The following ITGA9 variants were observed in gnomAD, a reference collection of about 807,000 sequenced individuals.
The protein encoded by ITGA9 is integrin subunit alpha 9, also known as integrin alpha-9.
A neutral mutation model predicts 127.8 loss-of-function variants in ITGA9; 56 were observed. The observed-to-expected ratio is 0.44, with a 90% CI of 0.35 to 0.55. The LOEUF (loss-of-function observed/expected upper bound fraction) is 0.55, where lower values mean the gene tolerates loss of function less well. ITGA9 is among the 20% of genes least tolerant of loss of function. The probability of loss-of-function intolerance (pLI) is 0.00; values close to 1 mark genes in which losing one functional copy is unlikely to be tolerated. For missense variants in ITGA9, 1,196 were observed against 1,347.1 expected (o/e 0.89, Z 1.76); for synonymous variants, 508 against 514.5 (o/e 0.99, Z 0.17).
At chr3:37,513,934 G>A in intron 9 of ITGA9, 34 bp downstream of exon 9, 1 of 1,611,816 alleles carries the variant, frequency 6.2e-7, no homozygotes, top group Admixed American at 1.7e-5. Flanking sequence ...GCGGATGGGT[G>A]TGGGGGAGGG....
At chr3:37,642,907 A>G (rs1002990305) in intron 16 of ITGA9, among the ~76,000 whole-genome samples, 45 of 152,358 alleles carry the variant, frequency 3.0e-4, no homozygotes, top group African/African-American at 1.1e-3. Context: ...CAGCCTGGAC[A>G]TTAGGTAATA....
intron 15 of ITGA9, among the ~76,000 whole-genome samples, chr3:37,544,810 C>CTT (rs1699309546): frequency 1.3e-5 from 2 of 152,334 alleles, no homozygotes; most frequent in South Asian, 2.1e-4. Flanking sequence ...AGACACATGT[C>CTT]TCTGAGACCT....
At chr3:37,797,856 G>A (rs1697192109) in intron 26 of ITGA9, among the ~76,000 whole-genome samples, 1 of 151,580 alleles carries the variant, frequency 6.6e-6, no homozygotes, top group African/African-American at 2.4e-5. Flanking sequence ...ACCACACCTG[G>A]CTAATTTTTG....
chr3:37,535,807 G>A (rs2125588097), intron 14 of ITGA9, among the ~76,000 whole-genome samples: 1 of 152,298 alleles, frequency 6.6e-6, no homozygotes, highest in East Asian at 1.9e-4. Flanking sequence ...AATATAATAA[G>A]GCAATGCAGA....
chr3:37,481,655 T>G, intron 4 of ITGA9, 48 bp downstream of exon 4: 1 of 1,612,018 alleles, frequency 6.2e-7, no homozygotes, highest in Middle Eastern at 1.7e-4. Flanking sequence ...CCTCATGCCC[T>G]AAGCCCGCCT....
At chr3:37,467,274 C>CCTTT (rs759421705) in intron 1 of ITGA9, among the ~76,000 whole-genome samples, 5 of 152,188 alleles carry the variant, frequency 3.3e-5, no homozygotes, top group Non-Finnish European at 7.3e-5. Context: ...TTTCATCTGA[C>CCTTT]CAGCTGATCA....
chr3:37,578,545 G>T (rs1699674869), intron 15 of ITGA9, among the ~76,000 whole-genome samples: 1 of 152,244 alleles, frequency 6.6e-6, no homozygotes, highest in African/African-American at 2.4e-5. Context: ...CCATGGCTTG[G>T]CCATGCCACA....
chr3:37,668,841 C>T (rs914702949), intron 17 of ITGA9, among the ~76,000 whole-genome samples: 3 of 152,212 alleles, frequency 2.0e-5, no homozygotes, highest in Non-Finnish European at 2.9e-5. Flanking sequence ...GCTGTGGCTT[C>T]GCTTTGTCCC....
In ITGA9 at chr3:37,733,058, C is replaced by T. The variant is rs1032744137; in HGVS notation, c.2154+260C>T. On this transcript the variant is annotated intron_variant, in intron 19 of 27. Coordinates refer to ENST00000264741, the MANE Select transcript of ITGA9 (RefSeq NM_002207.3). ...TGTGAAAGTGAAGGACACACCACAG[C>T]CTCTGCACTTTAGCACGTGCCATTT... is the stretch of plus-strand genomic sequence containing the variant. 5 of 488,118 alleles carry T rather than the reference C, an allele frequency of 1.0e-5. No homozygotes were observed. The East Asian group carries it at 1.2e-4, about 11-fold the overall frequency. The allele number at this position is 488,118 out of a possible 1,614,324, so 30.2% of individuals were successfully genotyped here. A position where few individuals can be genotyped will look rare whatever the true frequency, so the allele number is the denominator to read the frequency against.
rs567058019 is a variant in ITGA9, at chr3:37,647,892, A to T, written c.1840-5822A>T. 5.1e-4 allele frequency among the ~76,000 whole-genome samples: 77 copies of T among 152,266 alleles called. 1 individual carries two copies. Among genetic ancestry groups the T allele is most frequent in the African/African-American group, 1.9e-3 (77 of 41,530 alleles). On this transcript the variant is annotated intron_variant, in intron 16 of 27. Transcript: ENST00000264741. ...GTGTGTGTGTAGTATATATACATAT[A>T]TACACACCACAATTTCTTTATCCAT...
intron 11 of ITGA9, among the ~76,000 whole-genome samples, chr3:37,520,316 G>T (rs2125580924): frequency 6.6e-6 from 1 of 152,246 alleles, no homozygotes; most frequent in Admixed American, 6.5e-5. Flanking sequence ...AGGAGGGACT[G>T]TTTTTTGGGT....
chr3:37,517,645 G>C (rs372065488), intron 10 of ITGA9, 36 bp downstream of exon 10: 29 of 1,422,488 alleles, frequency 2.0e-5, no homozygotes, highest in Non-Finnish European at 2.8e-5. Context: ...AGCCCCTCCA[G>C]GTGCAGCACG....
intron 4 of ITGA9, among the ~76,000 whole-genome samples, chr3:37,489,125 G>A (rs1415121330): frequency 6.6e-6 from 1 of 152,206 alleles, no homozygotes; most frequent in African/African-American, 2.4e-5. Flanking sequence ...TGTCCTCAAG[G>A]TGTATCCATA....
intron 15 of ITGA9, among the ~76,000 whole-genome samples, chr3:37,556,058 G>T (rs748429930): frequency 2.0e-5 from 3 of 152,208 alleles, no homozygotes; most frequent in Non-Finnish European, 4.4e-5. Flanking sequence ...GCTAGTGCTG[G>T]GTGGAAAGAT....
At chr3:37,653,863 TG>T in intron 17 of ITGA9, 73 bp downstream of exon 17, 1 of 1,076,832 alleles carries the variant, frequency 9.3e-7, no homozygotes, top group Non-Finnish European at 1.4e-6. Flanking sequence ...AACCTGAATG[TG>T]CAGATTTCCC....
chr3:37,811,860 T>A (rs1380851362), intron 27 of ITGA9, among the ~76,000 whole-genome samples: 1 of 152,232 alleles, frequency 6.6e-6, no homozygotes, highest in Admixed American at 6.5e-5. Flanking sequence ...AAGGGCTGCC[T>A]CAAACCCTCT....
chr3:37,681,931 G>A lies in ITGA9; in HGVS notation c.1917-1934G>A, dbSNP rs150668769. Among the ~76,000 whole-genome samples the A allele has an allele frequency of 3.1e-3, 467 of 152,062 alleles. 4 individuals are homozygous for A. The highest frequency in any genetic ancestry group is 0.017 in the Middle Eastern group (5 of 294). Reference sequence around the variant, plus strand: ...TAGAAGCAATCACAGAGGAATTCCCGCATGTTCCTACCACCCATCTACTAA... The same window carrying A: ...TAGAAGCAATCACAGAGGAATTCCCACATGTTCCTACCACCCATCTACTAA... On this transcript the variant is annotated intron_variant, in intron 17 of 27. Transcript: ENST00000264741.
At chr3:37,543,165 T>C (rs1012484102) in intron 15 of ITGA9, among the ~76,000 whole-genome samples, 1 of 152,236 alleles carries the variant, frequency 6.6e-6, no homozygotes, top group Non-Finnish European at 1.5e-5. Context: ...TTGCTGCTAA[T>C]TCAGGAGGCC....
intron 23 of ITGA9, among the ~76,000 whole-genome samples, chr3:37,752,114 G>A (rs1171779608): frequency 6.6e-6 from 1 of 152,208 alleles, no homozygotes; most frequent in Non-Finnish European, 1.5e-5. Context: ...CCCACAGCTG[G>A]CACACCCTCT....
Sources: gnomAD v4.1 joint callset for allele counts (sites outside exome capture counted in the v4.1 genomes callset) on GRCh38, gnomAD v4.1.1 for gene constraint, MANE v1.5 for transcripts, NCBI Gene and HGNC (gene_info 2026-07-23, HGNC 2026-07-21) for gene names.